The following MAX variants were observed in gnomAD, a reference collection of about 807,000 sequenced individuals.
MAX encodes the protein protein max.
Under a neutral mutation model 22.3 loss-of-function variants are expected in MAX, and 3 were observed. That is an observed-to-expected ratio of 0.13 (90% CI 0.06 to 0.35). MAX has a LOEUF of 0.35. Among genes scored for constraint, MAX ranks in the 10% least tolerant of loss-of-function variants. The probability of loss-of-function intolerance (pLI) is 1.00; values close to 1 mark genes in which losing one functional copy is unlikely to be tolerated. For missense variants in MAX, 119 were observed against 209.4 expected, an observed-to-expected ratio of 0.57 and a Z score of 2.66; for synonymous variants, 72 against 77.7, an observed-to-expected ratio of 0.93 and a Z score of 0.39.
chr14:65,078,551 A>C lies in MAX; in HGVS notation c.172-515T>G. Among the ~76,000 whole-genome samples the C allele has an allele frequency of 1.5e-5, 2 of 132,704 alleles. No individual in the cohort carries two copies. The highest frequency in any genetic ancestry group is 2.8e-5 in the African/African-American group (1 of 35,400). The allele number at this position is 132,704 out of a possible 152,430, so 87.1% of individuals were successfully genotyped here. ...TGTTGTTGTTTTTTTTTTTTTGGAGACGTAGTCTCGCTCTGTTGCCCAGGC... is the reference window on the plus strand; with the variant it reads ...TGTTGTTGTTTTTTTTTTTTTGGAGCCGTAGTCTCGCTCTGTTGCCCAGGC... On this transcript the variant is annotated intron_variant, in intron 3 of 4. Coordinates refer to ENST00000358664, the MANE Select transcript of MAX (RefSeq NM_002382.5). This position sits in a 1 kb window ranked among gnomAD's most constrained non-coding sequence, Gnocchi z 6.4.
intron 3 of MAX, among the ~76,000 whole-genome samples, chr14:65,063,503 T>C (rs1181029077): frequency 2.6e-5 from 4 of 152,130 alleles, no homozygotes; most frequent in Admixed American, 6.5e-5. Context: ...CACTGGCATA[T>C]CCATGAGACA....
At chr14:65,067,968 G>A (rs2062948414) in intron 3 of MAX, among the ~76,000 whole-genome samples, 6 of 152,016 alleles carry the variant, frequency 3.9e-5, no homozygotes. Flanking sequence ...GGCCACAGAG[G>A]TAAAGTACCA....
chr14:65,062,082 C>T lies in MAX; in HGVS notation c.171+31626G>A, dbSNP rs568110900. 1.3e-5 allele frequency: 2 copies of T among 152,710 alleles called. No individual in the cohort carries two copies. Among genetic ancestry groups the T allele is most frequent in the African/African-American group, 2.4e-5 (1 of 41,600 alleles). 9.5% of individuals were successfully genotyped at this position (152,710 alleles called of 1,614,324 possible). ...AAACAGCCCTCCAGTGCCCACCTGC[C>T]TCACTCCTCCCTATCATGTACCGTG... On this transcript the variant is annotated intron_variant, in intron 3 of 3. Coordinates refer to the MAX transcript ENST00000341653. This position sits in a 1 kb window ranked among gnomAD's most constrained non-coding sequence, Gnocchi z 4.3.
chr14:65,053,317 C>T, intron 3 of MAX: 1 of 1,446,090 alleles, frequency 6.9e-7, no homozygotes, highest in Non-Finnish European at 9.2e-7. Flanking sequence ...GCTGCCAGTG[C>T]CCTGCGGGGG....
Position 65,044,281 on chromosome 14 carries a change from C to T in MAX, c.172-37997G>A. 1.2e-6 allele frequency: 2 copies of T among 1,611,558 alleles called. No homozygotes were observed. The highest frequency in any genetic ancestry group is 1.7e-6 in the Non-Finnish European group (2 of 1,179,018). On this transcript the variant is annotated intron_variant, in intron 3 of 3. Transcript: ENST00000341653. This position sits in a 1 kb window ranked among gnomAD's most constrained non-coding sequence, Gnocchi z 5.5. ...GCTGGATTTTGTCTCTTTTAGCCTACAACTGCCTTTCCCATCTGTGTCTCC... is the reference window on the plus strand; with the variant it reads ...GCTGGATTTTGTCTCTTTTAGCCTATAACTGCCTTTCCCATCTGTGTCTCC...
At position 65,044,335 on chromosome 14, in the gene MAX, C is replaced by G; in HGVS notation, c.172-38051G>C. The G allele has an allele frequency of 7.4e-6, 12 of 1,613,402 alleles. No individual in the cohort carries two copies. Among genetic ancestry groups the G allele is most frequent in the Non-Finnish European group, 1.0e-5 (12 of 1,179,752 alleles). On this transcript the variant is annotated intron_variant, in intron 3 of 3. Transcript: ENST00000341653. The surrounding 1 kb of genome is among the most constrained non-coding windows in gnomAD (Gnocchi z 5.5). Reference sequence around the variant, plus strand: ...GCAATGGGTGACAAGCCGGCAGATGCGATTTGAAGGAGGATTTCAGGGCCG... The same window carrying G: ...GCAATGGGTGACAAGCCGGCAGATGGGATTTGAAGGAGGATTTCAGGGCCG...
In MAX at chr14:65,011,790, C is replaced by T. The variant is rs371411496; in HGVS notation, c.172-5506G>A. On this transcript the variant is annotated intron_variant, in intron 3 of 3. Transcript: ENST00000341653. This position sits in a 1 kb window ranked among gnomAD's most constrained non-coding sequence, Gnocchi z 4.0. ...CCTCTGGCCAGGGCTGTGGGTCACA[C>T]GTGGGAGGTGGAATTTCAGGGAGAG... Among the ~76,000 whole-genome samples the T allele has an allele frequency of 4.6e-5, 7 of 152,236 alleles. No individual in the cohort carries two copies. The South Asian group carries it at 1.5e-3, about 32-fold the overall frequency.
At chr14:65,064,059 G>A (rs2062906650) in intron 3 of MAX, among the ~76,000 whole-genome samples, 1 of 152,148 alleles carries the variant, frequency 6.6e-6, no homozygotes, top group Non-Finnish European at 1.5e-5. Context: ...ACAGGGAGCG[G>A]AGCATAAAGA....
intron 3 of MAX, among the ~76,000 whole-genome samples, chr14:65,059,669 C>G (rs1239489865): frequency 6.6e-6 from 1 of 151,952 alleles, no homozygotes; most frequent in Non-Finnish European, 1.5e-5. Context: ...TGGGAGAATC[C>G]TGAATATTGG....
At position 65,076,129 on chromosome 14, in the gene MAX, T is replaced by G; in HGVS notation, c.*347A>C. On this transcript the variant is annotated 3_prime_UTR_variant, in exon 5 of 5. Coordinates refer to ENST00000358664, the MANE Select transcript of MAX (RefSeq NM_002382.5). This position sits in a 1 kb window ranked among gnomAD's most constrained non-coding sequence, Gnocchi z 6.6. ...CCCCCGGGCATGTGCCCGGCAGGGC[T>G]GGAGGAGCTGGTAGGGTGGGCAGGA... 7.6e-7 allele frequency: 1 copy of G among 1,309,088 alleles called. No homozygotes were observed. Among genetic ancestry groups the G allele is most frequent in the Non-Finnish European group, 9.7e-7 (1 of 1,027,548 alleles). 81.1% of individuals were successfully genotyped at this position (1,309,088 alleles called of 1,614,324 possible).
Position 65,047,181 on chromosome 14 carries a change from A to T in MAX, c.172-40897T>A, listed in dbSNP as rs2062503008. Among the ~76,000 whole-genome samples, 1 of 152,240 alleles carries T rather than the reference A, an allele frequency of 6.6e-6. No homozygotes were observed. Among genetic ancestry groups the T allele is most frequent in the Non-Finnish European group, 1.5e-5 (1 of 68,040 alleles). On this transcript the variant is annotated intron_variant, in intron 3 of 3. Coordinates refer to the MAX transcript ENST00000341653. The surrounding 1 kb of genome is among the most constrained non-coding windows in gnomAD (Gnocchi z 5.2). ...CGGAGTCTTCCCAAGCCCTCACTGT[A>T]TGCCAGGGGCTGTACTGAGCATTTC...
chr14:65,013,561 A>G (rs1468195148), intron 3 of MAX, among the ~76,000 whole-genome samples: 1 of 152,064 alleles, frequency 6.6e-6, no homozygotes, highest in Non-Finnish European at 1.5e-5. Context: ...ATTCTCTCAT[A>G]ATTTATGAGA....
At chr14:65,040,907 G>C in intron 3 of MAX, 1 of 1,613,890 alleles carries the variant, frequency 6.2e-7, no homozygotes, top group Non-Finnish European at 8.5e-7. Context: ...CCTTGAACTT[G>C]AAGAGCTTAT....
rs1412449036 is a variant in MAX at position 65,053,500 on chromosome 14, T to C, written c.171+40208A>G. On this transcript the variant is annotated intron_variant, in intron 3 of 3. Transcript: ENST00000341653. Reference sequence around the variant, plus strand: ...AGGTTGTATGGGAAAAAGCACCCAGTTGGGAGCACCCCTTGAGGCCATTGA... The same window carrying C: ...AGGTTGTATGGGAAAAAGCACCCAGCTGGGAGCACCCCTTGAGGCCATTGA... The C allele has an allele frequency of 4.8e-6, 3 of 626,654 alleles. No homozygotes were observed. The African/African-American group carries it at 5.7e-5, about 12-fold the overall frequency. 38.8% of individuals were successfully genotyped at this position (626,654 alleles called of 1,614,324 possible).
intron 3 of MAX, chr14:65,053,159 C>T: frequency 8.8e-7 from 1 of 1,139,126 alleles, no homozygotes; most frequent in Non-Finnish European, 1.1e-6. Flanking sequence ...GACTATTCCC[C>T]CAGGTGAGAA....
Position 65,075,841 on chromosome 14 carries a change from A to C in MAX, c.*635T>G. 5 of 1,044,942 alleles carry C rather than the reference A, an allele frequency of 4.8e-6. No homozygotes were observed. The highest frequency in any genetic ancestry group is 5.8e-6 in the Non-Finnish European group (5 of 866,206). The allele number at this position is 1,044,942 out of a possible 1,614,324, so 64.7% of individuals were successfully genotyped here. On this transcript the variant is annotated 3_prime_UTR_variant, in exon 5 of 5. Coordinates refer to ENST00000358664, the MANE Select transcript of MAX (RefSeq NM_002382.5). This position sits in a 1 kb window ranked among gnomAD's most constrained non-coding sequence, Gnocchi z 4.1. ...GCTTAAACAGCTGGCTGAGAGAAGC[A>C]GGAGTGAAACATGCCAGCGACTCTG...
chr14:65,013,869 G>A (rs768126248), intron 3 of MAX, among the ~76,000 whole-genome samples: 1 of 152,160 alleles, frequency 6.6e-6, no homozygotes, highest in Non-Finnish European at 1.5e-5. Context: ...TTTAAATCTT[G>A]TAACTACATG....
chr14:65,012,088 A>G lies in MAX; in HGVS notation c.172-5804T>C, dbSNP rs1356314320. The stretch of plus-strand genomic sequence containing the variant: ...GCCTTTAGGAGACAATCGCACTCTA[A>G]ATGTCAGCTGGCATGGTTTTCAGAT... On this transcript the variant is annotated intron_variant, in intron 3 of 3. Coordinates refer to the MAX transcript ENST00000341653. This position sits in a 1 kb window ranked among gnomAD's most constrained non-coding sequence, Gnocchi z 5.0. 8.0e-6 allele frequency: 4 copies of G among 502,006 alleles called. No individual in the cohort carries two copies. The highest frequency in any genetic ancestry group is 3.3e-5 in the Admixed American group (1 of 30,704). The allele number at this position is 502,006 out of a possible 1,614,324, so 31.1% of individuals were successfully genotyped here. A position where few individuals can be genotyped will look rare whatever the true frequency, so the allele number is the denominator to read the frequency against.
intron 3 of MAX, chr14:65,015,542 G>A (rs779486802): frequency 1.6e-5 from 23 of 1,449,182 alleles, no homozygotes; most frequent in Admixed American, 1.1e-4. Context: ...CAGGCTGCTG[G>A]GAGTGAGACA....
Sources: gnomAD v4.1 joint callset for allele counts (sites outside exome capture counted in the v4.1 genomes callset) on GRCh38, gnomAD v4.1.1 for gene constraint, Gnocchi (gnomAD v3.1) non-coding constraint, MANE v1.5 for transcripts, NCBI Gene and HGNC (gene_info 2026-07-23, HGNC 2026-07-21) for gene names.